ZRANB3: variants seen among roughly 807,000 people sequenced by gnomAD.
ZRANB3 encodes DNA annealing helicase and endonuclease ZRANB3.
In ZRANB3, 125 loss-of-function variants were observed where a neutral mutation model predicts 133.8. That is an observed-to-expected ratio of 0.93 (90% CI 0.81 to 1.08). ZRANB3 has a LOEUF of 1.08. ZRANB3 is among the 50% of genes least tolerant of loss of function. The pLI, the probability that ZRANB3 is intolerant of heterozygous loss-of-function variation, is 0.00. For missense variants in ZRANB3, 1,229 were observed against 1,275.5 expected, an observed-to-expected ratio of 0.96 and a Z score of 0.56; for synonymous variants, 387 against 432.7, an observed-to-expected ratio of 0.89 and a Z score of 1.31.
chr2:135,481,958 C>T lies in ZRANB3; in HGVS notation c.161+22371G>A, dbSNP rs763315346. Among the ~76,000 whole-genome samples the T allele has an allele frequency of 1.6e-3, 215 of 137,688 alleles. No homozygotes were observed. In the Middle Eastern group the frequency reaches 0.018, roughly 11 times the overall value. The allele number at this position is 137,688 out of a possible 152,430, so 90.3% of individuals were successfully genotyped here. On this transcript the variant is annotated intron_variant, in intron 2 of 20. Transcript: ENST00000264159. ...CGGCGTTATTTCTGAGGGCTCTGTT[C>T]TGTTCCATTGATCTATATCTCTGTT...
chr2:135,336,023 A>G (rs1228914901), intron 6 of ZRANB3, among the ~76,000 whole-genome samples: 1 of 152,216 alleles, frequency 6.6e-6, no homozygotes, highest in Admixed American at 6.5e-5. Flanking sequence ...TGATCATTCA[A>G]TGTGCTAATG....
chr2:135,238,292 C>A (rs769412225), intron 12 of ZRANB3, among the ~76,000 whole-genome samples: 13 of 152,176 alleles, frequency 8.5e-5, no homozygotes, highest in South Asian at 2.1e-4. Context: ...CACTGACATG[C>A]CTCCATTGAG....
chr2:135,370,693 G>A (rs1026515698), intron 3 of ZRANB3, among the ~76,000 whole-genome samples: 15 of 152,270 alleles, frequency 9.9e-5, no homozygotes, highest in Admixed American at 5.9e-4. Context: ...GAAAAGTTGG[G>A]AGCCTTTATG....
chr2:135,217,421 T>C (rs1694356042), intron 17 of ZRANB3, 44 bp downstream of exon 17: 3 of 1,523,178 alleles, frequency 2.0e-6, no homozygotes, highest in Admixed American at 2.2e-5. Context: ...GAAAGAACCA[T>C]GAAAAGTAAT....
intron 12 of ZRANB3, among the ~76,000 whole-genome samples, chr2:135,246,641 C>T (rs115790118): frequency 3.9e-4 from 60 of 152,268 alleles, no homozygotes; most frequent in African/African-American, 1.3e-3. Flanking sequence ...TATAACAACA[C>T]GCCCATGTCA....
chr2:135,497,771 G>C (rs1269455224), intron 2 of ZRANB3, among the ~76,000 whole-genome samples: 1 of 152,112 alleles, frequency 6.6e-6, no homozygotes, highest in East Asian at 1.9e-4. Context: ...AAGTAAGTGA[G>C]GCTGAGCGCG....
chr2:135,527,928 G>A (rs1273640844), intron 1 of ZRANB3, among the ~76,000 whole-genome samples: 1 of 152,164 alleles, frequency 6.6e-6, no homozygotes, highest in Non-Finnish European at 1.5e-5. Flanking sequence ...CATGGCAAAA[G>A]ATGGCTTACA....
At chr2:135,251,222 T>G (rs1326787347) in intron 12 of ZRANB3, among the ~76,000 whole-genome samples, 3 of 152,194 alleles carry the variant, frequency 2.0e-5, no homozygotes, top group Admixed American at 6.5e-5. Flanking sequence ...TTTCTTCCAT[T>G]TGGAATAGCT....
chr2:135,284,705 T>C (rs537640860), intron 8 of ZRANB3, among the ~76,000 whole-genome samples: 1 of 152,258 alleles, frequency 6.6e-6, no homozygotes, highest in Admixed American at 6.5e-5. Context: ...TCTCTTGACC[T>C]CGTGATCCAC....
intron 2 of ZRANB3, among the ~76,000 whole-genome samples, chr2:135,401,845 A>C (rs1043523024): frequency 6.6e-6 from 1 of 152,190 alleles, no homozygotes; most frequent in African/African-American, 2.4e-5. Context: ...ATTCCTCATC[A>C]TTAAAAAAGG....
intron 1 of ZRANB3, among the ~76,000 whole-genome samples, chr2:135,509,852 C>A (rs1002238360): frequency 2.6e-5 from 4 of 151,952 alleles, no homozygotes; most frequent in African/African-American, 9.7e-5. Context: ...CAGCAAGAAT[C>A]AAAATTGTCA....
At chr2:135,456,458 A>G (rs533419966) in intron 2 of ZRANB3, among the ~76,000 whole-genome samples, 2 of 152,348 alleles carry the variant, frequency 1.3e-5, no homozygotes, top group South Asian at 4.1e-4. Flanking sequence ...CCTCAATAAG[A>G]GTAAGAAACA....
chr2:135,446,652 G>T (rs899418054), intron 2 of ZRANB3, among the ~76,000 whole-genome samples: 7 of 152,160 alleles, frequency 4.6e-5, no homozygotes, highest in African/African-American at 9.7e-5. Context: ...ATAAGAAGGA[G>T]CAAGAAATTT....
In ZRANB3 at chr2:135,234,363, CT is replaced by C. The variant is rs200806109; in HGVS notation, c.1540-3437del. ...AATAATCAGAGACTTTAACACCCCA[CT>C]GTCAACACTAGACAGATCTACGAGA... On this transcript the variant is annotated intron_variant, in intron 12 of 20. Transcript: ENST00000264159. Among the ~76,000 whole-genome samples the C allele has an allele frequency of 9.0e-3, 1,376 of 152,282 alleles. 20 individuals carry two copies. Among genetic ancestry groups the C allele is most frequent in the African/African-American group, 0.03 (1,241 of 41,526 alleles).
At chr2:135,400,694 C>T (rs772938396) in intron 2 of ZRANB3, among the ~76,000 whole-genome samples, 2 of 152,168 alleles carry the variant, frequency 1.3e-5, no homozygotes, top group African/African-American at 2.4e-5. Context: ...GGGGTTGGCA[C>T]ATTTTTTTCT....
chr2:135,305,674 G>C (rs1415812113), intron 8 of ZRANB3, among the ~76,000 whole-genome samples: 2 of 152,230 alleles, frequency 1.3e-5, no homozygotes, highest in Middle Eastern at 3.4e-3. Context: ...CTCTACCAAT[G>C]AGTTTTGTAC....
intron 2 of ZRANB3, among the ~76,000 whole-genome samples, chr2:135,484,689 G>T (rs1652893010): frequency 6.7e-6 from 1 of 149,968 alleles, no homozygotes; most frequent in Non-Finnish European, 1.5e-5. Context: ...AACCTGTCTT[G>T]GTTTTTAAAT....
intron 2 of ZRANB3, among the ~76,000 whole-genome samples, chr2:135,403,175 G>T (rs572686997): frequency 6.6e-6 from 1 of 152,196 alleles, no homozygotes; most frequent in Non-Finnish European, 1.5e-5. Flanking sequence ...CACGGGAACC[G>T]CAAGGAGTCA....
chr2:135,457,136 T>G (rs1690556711), intron 2 of ZRANB3, among the ~76,000 whole-genome samples: 1 of 152,216 alleles, frequency 6.6e-6, no homozygotes, highest in Non-Finnish European at 1.5e-5. Context: ...TTCATACATG[T>G]GATACAGTGT....
Sources: allele counts gnomAD v4.1 joint callset (sites outside exome capture counted in the v4.1 genomes callset), GRCh38; gene constraint gnomAD v4.1.1; transcripts MANE v1.5; gene names NCBI Gene and HGNC (gene_info 2026-07-23, HGNC 2026-07-21).